Variants in CDK14 observed in about 807,000 individuals in gnomAD.
The protein encoded by CDK14 is cyclin dependent kinase 14.
Under a neutral mutation model 60.7 loss-of-function variants are expected in CDK14, and 34 were observed. The observed-to-expected ratio is 0.56, with a 90% CI of 0.43 to 0.75. The LOEUF (loss-of-function observed/expected upper bound fraction) is 0.75, where lower values mean the gene tolerates loss of function less well. Among genes scored for constraint, CDK14 ranks in the 30% least tolerant of loss-of-function variants. The pLI is 0.00. For synonymous variants in CDK14, 197 were observed against 203.7 expected, an observed-to-expected ratio of 0.97 and a Z score of 0.28; for missense variants, 482 against 564.1, an observed-to-expected ratio of 0.85 and a Z score of 1.47.
At chr7:91,010,342 A>C (rs1298764225) in intron 10 of CDK14, among the ~76,000 whole-genome samples, 1 of 152,124 alleles carries the variant, frequency 6.6e-6, no homozygotes, top group Non-Finnish European at 1.5e-5. Context: ...GAATTTATAG[A>C]TCAGTTTGGA....
intron 8 of CDK14, among the ~76,000 whole-genome samples, chr7:90,938,938 G>A (rs895088357): frequency 2.6e-5 from 4 of 151,948 alleles, no homozygotes; most frequent in African/African-American, 9.7e-5. Flanking sequence ...TTATTGTTTC[G>A]TACTTTGGCA....
chr7:90,899,697 TG>T (rs1350926879), intron 7 of CDK14, among the ~76,000 whole-genome samples: 3 of 152,098 alleles, frequency 2.0e-5, no homozygotes, highest in African/African-American at 7.2e-5. Flanking sequence ...ATGTACCAGT[TG>T]GTTTCAACAT....
chr7:91,147,879 T>C (rs1800706429), intron 14 of CDK14, among the ~76,000 whole-genome samples: 1 of 152,210 alleles, frequency 6.6e-6, no homozygotes, highest in African/African-American at 2.4e-5. Context: ...ACTTTAAAAT[T>C]AGCACGTTTA....
chr7:90,800,247 C>T (rs1336050700), intron 5 of CDK14, among the ~76,000 whole-genome samples: 1 of 151,898 alleles, frequency 6.6e-6, no homozygotes, highest in Non-Finnish European at 1.5e-5. Flanking sequence ...ACCAGGAAGG[C>T]AGAGGTAGAT....
intron 2 of CDK14, among the ~76,000 whole-genome samples, chr7:90,628,132 A>T (rs1799913425): frequency 6.6e-6 from 1 of 151,720 alleles, no homozygotes; most frequent in Admixed American, 6.6e-5. Flanking sequence ...TTTTATTTTT[A>T]TTTTTGTAGA....
At chr7:91,156,827 C>T (rs1801000639) in intron 14 of CDK14, among the ~76,000 whole-genome samples, 1 of 152,176 alleles carries the variant, frequency 6.6e-6, no homozygotes, top group African/African-American at 2.4e-5. Context: ...GCATGAGCAG[C>T]CCCATAAAAC....
chr7:90,630,138 A>G (rs540451970), intron 2 of CDK14, among the ~76,000 whole-genome samples: 1 of 152,344 alleles, frequency 6.6e-6, no homozygotes, highest in South Asian at 2.1e-4. Context: ...TCCATTTAAC[A>G]TTTAAAGACA....
At chr7:90,764,177 C>T (rs1219630190) in intron 4 of CDK14, among the ~76,000 whole-genome samples, 3 of 152,066 alleles carry the variant, frequency 2.0e-5, no homozygotes, top group African/African-American at 7.2e-5. Flanking sequence ...TTAAAAGTTT[C>T]GTGGGAGGTT....
At chr7:90,682,714 A>G (rs1055126475) in intron 2 of CDK14, among the ~76,000 whole-genome samples, 1 of 152,312 alleles carries the variant, frequency 6.6e-6, no homozygotes, top group African/African-American at 2.4e-5. Flanking sequence ...GTGTAGAATC[A>G]TGCATTACAT....
chr7:90,757,596 CTT>C (rs780503136), intron 4 of CDK14, among the ~76,000 whole-genome samples: 14 of 143,004 alleles, frequency 9.8e-5, no homozygotes, highest in Non-Finnish European at 7.7e-5. Flanking sequence ...TTGTGTAATT[CTT>C]TTTTTTTTTT....
At chr7:90,918,758 A>C in intron 8 of CDK14, among the ~76,000 whole-genome samples, 1 of 152,212 alleles carries the variant, frequency 6.6e-6, no homozygotes, top group East Asian at 1.9e-4. Context: ...ACCCCCCATT[A>C]AATAAAAGAA....
At chr7:90,794,182 T>C (rs890751649) in intron 5 of CDK14, among the ~76,000 whole-genome samples, 1 of 152,090 alleles carries the variant, frequency 6.6e-6, no homozygotes, top group Non-Finnish European at 1.5e-5. Flanking sequence ...AGGATGTGGA[T>C]CACAGAGATC....
chr7:90,791,394 G>C (rs1490246584), intron 5 of CDK14, among the ~76,000 whole-genome samples: 1 of 152,046 alleles, frequency 6.6e-6, no homozygotes, highest in East Asian at 1.9e-4. Flanking sequence ...TAAAAGTGCA[G>C]ATTATCTTGA....
intron 4 of CDK14, among the ~76,000 whole-genome samples, chr7:90,789,755 TAACA>T (rs1353464473): frequency 1.3e-5 from 2 of 152,102 alleles, no homozygotes; most frequent in Non-Finnish European, 1.5e-5. Flanking sequence ...CTATTTTAAT[TAACA>T]AACAAACCAA....
chr7:90,982,072 C>T (rs1392088003), intron 9 of CDK14, among the ~76,000 whole-genome samples: 3 of 152,174 alleles, frequency 2.0e-5, no homozygotes, highest in Non-Finnish European at 4.4e-5. Context: ...GTGCAAGCTG[C>T]AGTGGTCTGG....
chr7:90,878,404 T>C (rs1272123323), intron 6 of CDK14, among the ~76,000 whole-genome samples: 1 of 152,164 alleles, frequency 6.6e-6, no homozygotes, highest in African/African-American at 2.4e-5. Flanking sequence ...ACAACTCTGG[T>C]GCTAGACTGG....
chr7:90,897,734 A>G (rs977203099), intron 6 of CDK14, among the ~76,000 whole-genome samples: 11 of 152,064 alleles, frequency 7.2e-5, no homozygotes, highest in Non-Finnish European at 2.9e-5. Flanking sequence ...AAACTTTTAT[A>G]TAGTTACTCA....
chr7:91,035,953 C>T (rs1484013691), intron 10 of CDK14, among the ~76,000 whole-genome samples: 2 of 149,666 alleles, frequency 1.3e-5, no homozygotes, highest in Non-Finnish European at 3.0e-5. Context: ...ACGCCATTCT[C>T]CTGCCTCAGC....
intron 10 of CDK14, among the ~76,000 whole-genome samples, chr7:90,991,384 A>G (rs1795528691): frequency 6.6e-6 from 1 of 152,154 alleles, no homozygotes; most frequent in Non-Finnish European, 1.5e-5. Context: ...ACCACTGCCT[A>G]CCTTGTAGGG....
Sources: allele counts gnomAD v4.1 joint callset (sites outside exome capture counted in the v4.1 genomes callset), GRCh38; gene constraint gnomAD v4.1.1; transcripts MANE v1.5; gene names NCBI Gene and HGNC (gene_info 2026-07-23, HGNC 2026-07-21).